NRXN3: variants seen among roughly 807,000 people sequenced by gnomAD.
NRXN3 encodes neurexin 3.
A neutral mutation model predicts 137.6 loss-of-function variants in NRXN3; 32 were observed. That is an observed-to-expected ratio of 0.23 (90% CI 0.18 to 0.31). NRXN3 has a LOEUF of 0.31. Among genes scored for constraint, NRXN3 ranks in the 10% least tolerant of loss-of-function variants. The pLI is 1.00. For missense variants in NRXN3, 1,574 were observed against 2,062.5 expected, an observed-to-expected ratio of 0.76 and a Z score of 4.59; for synonymous variants, 798 against 784.5, an observed-to-expected ratio of 1.02 and a Z score of -0.29.
chr14:79,069,442 A>C (rs2099684751), intron 15 of NRXN3, among the ~76,000 whole-genome samples: 1 of 152,092 alleles, frequency 6.6e-6, no homozygotes, highest in African/African-American at 2.4e-5. Context: ...TCTTCCAGGC[A>C]TGAGGGGCTT....
Position 78,322,503 on chromosome 14 carries a change from C to T in NRXN3, c.757+24643C>T, listed in dbSNP as rs1016285872. 3.3e-5 allele frequency among the ~76,000 whole-genome samples: 5 copies of T among 151,966 alleles called. No individual in the cohort carries two copies. The East Asian group carries it at 7.7e-4, about 23-fold the overall frequency. On this transcript the variant is annotated intron_variant, in intron 4 of 20. Coordinates refer to ENST00000335750, the MANE Select transcript of NRXN3 (RefSeq NM_001330195.2). Reference sequence around the variant, plus strand: ...TGATTGTCTCTGTCATGTTGCTTGCCGTGATATACCACCTTCTGTGGGGCT... The same window carrying T: ...TGATTGTCTCTGTCATGTTGCTTGCTGTGATATACCACCTTCTGTGGGGCT...
chr14:79,521,544 T>G (rs1342514049), intron 16 of NRXN3, among the ~76,000 whole-genome samples: 1 of 152,180 alleles, frequency 6.6e-6, no homozygotes, highest in Non-Finnish European at 1.5e-5. Flanking sequence ...CTCTTTACTA[T>G]GAGCAGTGAA....
At chr14:78,179,779 G>A (rs1595632901) in intron 1 of NRXN3, among the ~76,000 whole-genome samples, 1 of 147,316 alleles carries the variant, frequency 6.8e-6, no homozygotes, top group East Asian at 2.0e-4. Context: ...ACCCAGTCTC[G>A]TGTTCAGCAT....
intron 20 of NRXN3, among the ~76,000 whole-genome samples, chr14:79,813,297 A>AAATT (rs2099241213): frequency 6.6e-6 from 1 of 152,162 alleles, no homozygotes; most frequent in African/African-American, 2.4e-5. Context: ...TGGAAAGAAA[A>AAATT]AATTATACAG....
At chr14:79,139,559 T>C (rs1304329117) in intron 15 of NRXN3, among the ~76,000 whole-genome samples, 1 of 152,128 alleles carries the variant, frequency 6.6e-6, no homozygotes, top group Non-Finnish European at 1.5e-5. Flanking sequence ...TTCACAGATA[T>C]CTAATGAATA....
chr14:78,664,144 C>T (rs2097862409), intron 6 of NRXN3, among the ~76,000 whole-genome samples: 2 of 152,176 alleles, frequency 1.3e-5, no homozygotes, highest in South Asian at 2.1e-4. Flanking sequence ...TAAAATTCTC[C>T]TCCTTCCCTC....
intron 15 of NRXN3, among the ~76,000 whole-genome samples, chr14:79,220,706 C>G (rs1457645701): frequency 6.6e-6 from 1 of 151,964 alleles, no homozygotes; most frequent in East Asian, 1.9e-4. Context: ...GCTTCTTTTA[C>G]TTAGTAACAT....
chr14:78,560,304 G>A (rs1182356453), intron 4 of NRXN3, among the ~76,000 whole-genome samples: 2 of 152,146 alleles, frequency 1.3e-5, no homozygotes, highest in Non-Finnish European at 2.9e-5. Context: ...TAAAAATCAT[G>A]CCATGCTATT....
At chr14:79,223,101 A>G (rs1267978356) in intron 15 of NRXN3, among the ~76,000 whole-genome samples, 1 of 152,196 alleles carries the variant, frequency 6.6e-6, no homozygotes, top group Non-Finnish European at 1.5e-5. Flanking sequence ...CACCTGAGTT[A>G]GAAAACTGAC....
chr14:79,785,317 C>G (rs1293612847), intron 19 of NRXN3, among the ~76,000 whole-genome samples: 3 of 152,182 alleles, frequency 2.0e-5, no homozygotes, highest in Admixed American at 6.5e-5. Flanking sequence ...ACTTACACCT[C>G]CTCTCGGTCC....
rs74243811 is a variant in NRXN3, at chr14:79,679,127, A to C, written c.3617-13046A>C. Among the ~76,000 whole-genome samples the C allele has an allele frequency of 0.02, 3,031 of 151,554 alleles. 158 individuals carry two copies. The East Asian group carries it at 0.21, about 11-fold the overall frequency. On this transcript the variant is annotated intron_variant, in intron 17 of 20. Transcript: ENST00000335750. ...TTATTTTGAATAATTTCTTTAAATC[A>C]TGGATTTTTTTCTTACATCTCATAT...
chr14:78,709,574 A>C lies in NRXN3; in HGVS notation c.1579A>C (p.Thr527Pro). The change falls in exon 7 of 21, where the codon ACC (threonine) becomes CCC (proline). Residue 527 changes from threonine (T) to proline (P), a missense_variant. This residue lies in a region of NRXN3 where 718 missense variants were observed against 887.6 expected (regional missense o/e 0.81). Coordinates refer to ENST00000335750, the MANE Select transcript of NRXN3 (RefSeq NM_001330195.2). ...LYLLLDMGSG[T>P]IKVKATQKKA... The stretch of plus-strand genomic sequence containing the variant: ...CTTGCTGCTTGACATGGGCTCTGGC[A>C]CCATCAAAGTGAAAGCCACTCAGAA... 6.2e-7 allele frequency: 1 copy of C among 1,614,064 alleles called. No homozygotes were observed. Among genetic ancestry groups the C allele is most frequent in the Non-Finnish European group, 8.5e-7 (1 of 1,180,004 alleles).
At position 79,643,285 on chromosome 14, in the gene NRXN3, C is replaced by T. The variant is rs1466153801; in HGVS notation, c.3445-20493C>T. On this transcript the variant is annotated intron_variant, in intron 16 of 20. Coordinates refer to ENST00000335750, the MANE Select transcript of NRXN3 (RefSeq NM_001330195.2). ...ACATCACAGTATAGCTGCTACTATT[C>T]CTCCTGTCTTCCTGTCTCAGAGGAA... Among the ~76,000 whole-genome samples, 2 of 135,670 alleles carry T rather than the reference C, an allele frequency of 1.5e-5. 1 individual carries two copies. Among genetic ancestry groups the T allele is most frequent in the Non-Finnish European group, 3.4e-5 (2 of 58,336 alleles). The allele number at this position is 135,670 out of a possible 152,430, so 89.0% of individuals were successfully genotyped here.
intron 16 of NRXN3, among the ~76,000 whole-genome samples, chr14:79,500,702 G>A (rs1031916626): frequency 6.6e-6 from 1 of 152,124 alleles, no homozygotes; most frequent in East Asian, 1.9e-4. Flanking sequence ...CTGTCATACT[G>A]GTTTGCTTCT....
chr14:79,375,116 A>G (rs2094224194), intron 15 of NRXN3, among the ~76,000 whole-genome samples: 1 of 152,116 alleles, frequency 6.6e-6, no homozygotes, highest in Admixed American at 6.5e-5. Context: ...GGAGGTCCAG[A>G]GATTTAAATT....
At chr14:78,412,614 A>G (rs967912292) in intron 4 of NRXN3, among the ~76,000 whole-genome samples, 3 of 152,186 alleles carry the variant, frequency 2.0e-5, no homozygotes, top group Non-Finnish European at 4.4e-5. Flanking sequence ...AATGTTAAGT[A>G]ACTTACCCAA....
At chr14:79,637,698 C>T (rs1017746898) in intron 16 of NRXN3, among the ~76,000 whole-genome samples, 13 of 141,684 alleles carry the variant, frequency 9.2e-5, no homozygotes, top group African/African-American at 3.1e-4. Flanking sequence ...TTTTGATGCT[C>T]TAAGAAACTG....
chr14:79,327,060 T>C (rs2090992453), intron 15 of NRXN3, among the ~76,000 whole-genome samples: 1 of 152,212 alleles, frequency 6.6e-6, no homozygotes, highest in South Asian at 2.1e-4. Context: ...TCTTCCTTCT[T>C]CCCACCTTCT....
chr14:78,170,953 T>A (rs1378387932), intron 1 of NRXN3, among the ~76,000 whole-genome samples: 1 of 25,728 alleles, frequency 3.9e-5, no homozygotes, highest in African/African-American at 4.3e-4. Context: ...CTTCTTCTTC[T>A]TTTTTTTTTT....
Sources: allele counts gnomAD v4.1 joint callset (sites outside exome capture counted in the v4.1 genomes callset), GRCh38; gene constraint gnomAD v4.1.1; regional missense constraint gnomAD v4.1.1; transcripts MANE v1.5; gene names NCBI Gene and HGNC (gene_info 2026-07-23, HGNC 2026-07-21).